The following TOM1L1 variants were observed in gnomAD, a reference collection of about 807,000 sequenced individuals.
TOM1L1 encodes target of myb1 like 1 membrane trafficking protein, also known as TOM1-like protein 1.
A neutral mutation model predicts 63.4 loss-of-function variants in TOM1L1; 64 were observed. The observed-to-expected ratio is 1.01, with a 90% CI of 0.83 to 1.24. The LOEUF is 1.24. Ranked by LOEUF, TOM1L1 falls within the 50% of genes most tolerant of loss-of-function variation. The pLI, the probability that TOM1L1 is intolerant of heterozygous loss-of-function variation, is 0.00. For synonymous variants in TOM1L1, 166 were observed against 194.4 expected (o/e 0.85, Z 1.22); for missense variants, 536 against 567.0 (o/e 0.95, Z 0.55).
At chr17:54,929,484 C>T (rs1467199880) in intron 7 of TOM1L1, among the ~76,000 whole-genome samples, 1 of 151,934 alleles carries the variant, frequency 6.6e-6, no homozygotes. Context: ...TTTAGTTTGC[C>T]TCAAAATGTG....
At chr17:54,941,557 T>C (rs1452238730) in intron 11 of TOM1L1, among the ~76,000 whole-genome samples, 2 of 152,236 alleles carry the variant, frequency 1.3e-5, no homozygotes, top group African/African-American at 2.4e-5. Context: ...TGGTTTAAAA[T>C]AGCTGATTCT....
At chr17:54,956,857 G>A (rs960107247) in intron 14 of TOM1L1, 2 of 152,290 alleles carry the variant, frequency 1.3e-5, no homozygotes, top group African/African-American at 2.4e-5. Flanking sequence ...AGAGAGGGAA[G>A]AGGGTATGTC....
chr17:54,922,951 T>A (rs1182827346), intron 7 of TOM1L1, among the ~76,000 whole-genome samples: 2 of 152,240 alleles, frequency 1.3e-5, no homozygotes, highest in Non-Finnish European at 1.5e-5. Context: ...TCTGGTTCTG[T>A]GTCTGTGGAT....
intron 13 of TOM1L1, 130 bp downstream of exon 13, chr17:54,949,753 C>T (rs1374857519): frequency 6.2e-6 from 5 of 800,260 alleles, no homozygotes; most frequent in East Asian, 2.6e-5. Flanking sequence ...GCTAATGAAA[C>T]AAATTCAGGG....
rs187157881 is a variant in TOM1L1 at position 54,959,699 on chromosome 17, T to C, written c.1371-867T>C. On this transcript the variant is annotated intron_variant, in intron 14 of 15. Coordinates refer to ENST00000575882, the MANE Select transcript of TOM1L1 (RefSeq NM_005486.3). ...GTGGCACGATCTCAGCTCACTGCAA[T>C]CTCCGCCTCCTAGGCTCCAGTGATC... is the stretch of plus-strand genomic sequence containing the variant. Among the ~76,000 whole-genome samples, 402 of 150,072 alleles carry C rather than the reference T, an allele frequency of 2.7e-3. 1 individual carries two copies. The highest frequency in any genetic ancestry group is 4.7e-3 in the Non-Finnish European group (321 of 67,638).
At chr17:54,932,129 A>AGG (rs2048872625) in intron 8 of TOM1L1, among the ~76,000 whole-genome samples, 1 of 151,980 alleles carries the variant, frequency 6.6e-6, no homozygotes, top group Non-Finnish European at 1.5e-5. Flanking sequence ...TAAAGAAGGA[A>AGG]GGGGTTTATT....
chr17:54,958,120 A>G (rs1390379208), intron 14 of TOM1L1: 1 of 144,834 alleles, frequency 6.9e-6, no homozygotes, highest in Admixed American at 6.9e-5. Context: ...GCTCTGGCAC[A>G]TTCAAGGAAA....
At chr17:54,902,423 G>A (rs1597994775) in intron 1 of TOM1L1, among the ~76,000 whole-genome samples, 1 of 152,266 alleles carries the variant, frequency 6.6e-6, no homozygotes, top group East Asian at 1.9e-4. Flanking sequence ...CCGAGTAGCT[G>A]GGACTACAGG....
intron 8 of TOM1L1, among the ~76,000 whole-genome samples, chr17:54,931,965 T>G (rs1435425443): frequency 1.4e-4 from 11 of 80,686 alleles, no homozygotes; most frequent in African/African-American, 4.7e-4. Context: ...TTTTTGTTTG[T>G]TTGTTTGTTT....
At chr17:54,930,471 G>A (rs570397335) in intron 8 of TOM1L1, 16 of 323,416 alleles carry the variant, frequency 4.9e-5, no homozygotes, top group East Asian at 1.3e-4. Context: ...TTTGGAGGCC[G>A]AGGCAGGAGG....
At chr17:54,929,951 G>T in intron 7 of TOM1L1, 122 bp from the exon 8 acceptor site, 1 of 1,163,560 alleles carries the variant, frequency 8.6e-7, no homozygotes, top group Non-Finnish European at 1.2e-6. Flanking sequence ...TAAGTACTTT[G>T]GTAGTGCCCC....
intron 7 of TOM1L1, among the ~76,000 whole-genome samples, chr17:54,926,777 T>A (rs2048776650): frequency 6.6e-6 from 1 of 152,252 alleles, no homozygotes; most frequent in Admixed American, 6.5e-5. Flanking sequence ...CTCCCTTTCT[T>A]TGCAGTTGAG....
intron 12 of TOM1L1, among the ~76,000 whole-genome samples, chr17:54,948,556 C>A (rs2049158132): frequency 6.6e-6 from 1 of 152,156 alleles, no homozygotes; most frequent in Non-Finnish European, 1.5e-5. Context: ...AGTGATGAGA[C>A]ATTTCCTGAC....
At position 54,915,243 on chromosome 17, in the gene TOM1L1, AT is replaced by A. The variant is rs554412221; in HGVS notation, c.604-496del. Among the ~76,000 whole-genome samples, 903 of 152,222 alleles carry A rather than the reference AT, an allele frequency of 5.9e-3. 11 individuals carry two copies. Among genetic ancestry groups the A allele is most frequent in the African/African-American group, 0.021 (860 of 41,564 alleles). On this transcript the variant is annotated intron_variant, in intron 6 of 15. Coordinates refer to ENST00000575882, the MANE Select transcript of TOM1L1 (RefSeq NM_005486.3). ...CTATAATTGAAGATTTTGTTGTATT[AT>A]TTTTTTCTTATATAAAAATGCATGT... is the stretch of plus-strand genomic sequence containing the variant.
chr17:54,928,031 T>C (rs2048796013), intron 7 of TOM1L1, among the ~76,000 whole-genome samples: 1 of 152,240 alleles, frequency 6.6e-6, no homozygotes, highest in Non-Finnish European at 1.5e-5. Context: ...TTGACATTGT[T>C]CTAGCAAGGC....
chr17:54,945,552 GTTTC>G (rs1375641881), intron 11 of TOM1L1, among the ~76,000 whole-genome samples: 1 of 151,988 alleles, frequency 6.6e-6, no homozygotes, highest in African/African-American at 2.4e-5. Flanking sequence ...CTGTTTGTTT[GTTTC>G]TTTGTTTTAC....
At chr17:54,925,694 A>T (rs2048756830) in intron 7 of TOM1L1, among the ~76,000 whole-genome samples, 1 of 152,208 alleles carries the variant, frequency 6.6e-6, no homozygotes, top group African/African-American at 2.4e-5. Context: ...ACCTGAGGTC[A>T]GGAGTTCGAG....
intron 3 of TOM1L1, among the ~76,000 whole-genome samples, chr17:54,909,132 G>A (rs1237001151): frequency 6.6e-6 from 1 of 152,158 alleles, no homozygotes; most frequent in African/African-American, 2.4e-5. Context: ...GGTGGCATGT[G>A]ACTGTAATCC....
chr17:54,901,149 T>C, intron 1 of TOM1L1: 1 of 619,848 alleles, frequency 1.6e-6, no homozygotes, highest in Non-Finnish European at 2.8e-6. Context: ...TGTACCTTCC[T>C]TTCGATGCCG....
Sources: allele counts gnomAD v4.1 joint callset (sites outside exome capture counted in the v4.1 genomes callset), GRCh38; gene constraint gnomAD v4.1.1; transcripts MANE v1.5; gene names NCBI Gene and HGNC (gene_info 2026-07-23, HGNC 2026-07-21).